Variants in SCAPER observed in about 807,000 individuals in gnomAD.
The protein encoded by SCAPER is S phase cyclin A-associated protein in the endoplasmic reticulum.
Under a neutral mutation model 182.2 loss-of-function variants are expected in SCAPER, and 98 were observed. That is an observed-to-expected ratio of 0.54 (90% confidence interval 0.46 to 0.64). SCAPER has a LOEUF of 0.64. SCAPER is among the 30% of genes least tolerant of loss of function. The pLI is 0.00. For synonymous variants in SCAPER, 605 were observed against 564.6 expected, an observed-to-expected ratio of 1.07 and a Z score of -1.01; for missense variants, 1,432 against 1,690.0, an observed-to-expected ratio of 0.85 and a Z score of 2.68.
At chr15:76,441,164 A>G (rs1359456091) in intron 25 of SCAPER, among the ~76,000 whole-genome samples, 4 of 151,566 alleles carry the variant, frequency 2.6e-5, no homozygotes. Context: ...CTCGTGATCC[A>G]CCCGCCTTGG....
chr15:76,563,263 T>C (rs1428296911), intron 23 of SCAPER, among the ~76,000 whole-genome samples: 2 of 152,204 alleles, frequency 1.3e-5, no homozygotes, highest in Admixed American at 1.3e-4. Flanking sequence ...ATCTGTGTAC[T>C]GTATTACATA....
chr15:76,441,789 T>C (rs1042491878), intron 25 of SCAPER, among the ~76,000 whole-genome samples: 3 of 152,208 alleles, frequency 2.0e-5, no homozygotes, highest in South Asian at 4.1e-4. Flanking sequence ...TCCAGTGCAA[T>C]AGTTACCTCC....
At position 76,824,062 on chromosome 15, in the gene SCAPER, C is replaced by T. The variant is rs572792974; in HGVS notation, c.393+17672G>A. ...ATCAAAAATGATCAGAGTGGTACCA[C>T]GCAGCTGTAATCCGAGTCATGTTTT... On this transcript the variant is annotated intron_variant, in intron 5 of 31. Transcript: ENST00000563290. Among the ~76,000 whole-genome samples, 13 of 152,258 alleles carry T rather than the reference C, an allele frequency of 8.5e-5. No individual in the cohort carries two copies. The East Asian group carries it at 1.2e-3, about 14-fold the overall frequency.
chr15:76,768,057 T>C (rs2063215002), intron 10 of SCAPER, among the ~76,000 whole-genome samples: 3 of 152,080 alleles, frequency 2.0e-5, no homozygotes, highest in Admixed American at 2.0e-4. Flanking sequence ...CTTCAAAATA[T>C]ATAAGGCAAA....
At chr15:76,505,735 T>C (rs1481391141) in intron 23 of SCAPER, among the ~76,000 whole-genome samples, 1 of 152,196 alleles carries the variant, frequency 6.6e-6, no homozygotes, top group Non-Finnish European at 1.5e-5. Context: ...GCAATTCCAC[T>C]GGTAGGTATA....
chr15:76,512,863 CAGAAAAA>C (rs2042151207), intron 23 of SCAPER, among the ~76,000 whole-genome samples: 1 of 55,624 alleles, frequency 1.8e-5, no homozygotes, highest in African/African-American at 4.0e-5. Context: ...GCAGCTTTTC[CAGAAAAA>C]AAAAAAAAAA....
At chr15:76,703,895 G>C (rs1452904453) in intron 18 of SCAPER, among the ~76,000 whole-genome samples, 1 of 151,950 alleles carries the variant, frequency 6.6e-6, no homozygotes, top group African/African-American at 2.4e-5. Context: ...TAGATTTCTA[G>C]GACTATACAA....
At chr15:76,690,589 G>A (rs1187536704) in intron 20 of SCAPER, among the ~76,000 whole-genome samples, 1 of 152,114 alleles carries the variant, frequency 6.6e-6, no homozygotes, top group East Asian at 1.9e-4. Flanking sequence ...ATAAATAACA[G>A]GGGAAACTGT....
intron 23 of SCAPER, among the ~76,000 whole-genome samples, chr15:76,573,733 A>C (rs1199834447): frequency 6.6e-6 from 1 of 152,168 alleles, no homozygotes; most frequent in African/African-American, 2.4e-5. Context: ...TGAGATATTT[A>C]ATGATTCTAA....
At chr15:76,856,018 C>T (rs1227756842) in intron 4 of SCAPER, 1 of 174,672 alleles carries the variant, frequency 5.7e-6, no homozygotes, top group East Asian at 1.4e-4. Flanking sequence ...ATGGAATCAA[C>T]CTAAATGCCC....
intron 8 of SCAPER, among the ~76,000 whole-genome samples, chr15:76,789,287 G>C (rs1010626855): frequency 2.6e-5 from 4 of 151,858 alleles, no homozygotes; most frequent in Non-Finnish European, 4.4e-5. Flanking sequence ...CACATACCAA[G>C]AGGAAAAAAA....
chr15:76,624,827 C>A (rs1479883535), intron 21 of SCAPER, among the ~76,000 whole-genome samples: 1 of 152,176 alleles, frequency 6.6e-6, no homozygotes, highest in East Asian at 1.9e-4. Context: ...AGGCAGCTTG[C>A]TCTGGTGACA....
intron 21 of SCAPER, among the ~76,000 whole-genome samples, chr15:76,664,925 C>T (rs1260971675): frequency 6.6e-6 from 1 of 152,148 alleles, no homozygotes; most frequent in East Asian, 1.9e-4. Context: ...TATTATTGTA[C>T]GTTCTATATT....
chr15:76,367,089 A>G (rs2041863372), intron 29 of SCAPER, among the ~76,000 whole-genome samples: 2 of 152,216 alleles, frequency 1.3e-5, no homozygotes, highest in Admixed American at 6.5e-5. Flanking sequence ...TCTTATAATT[A>G]TCTATTCTTC....
At chr15:76,384,000 G>C (rs2043137223) in intron 27 of SCAPER, among the ~76,000 whole-genome samples, 1 of 152,128 alleles carries the variant, frequency 6.6e-6, no homozygotes, top group Non-Finnish European at 1.5e-5. Flanking sequence ...ACTTCTGTTA[G>C]CTAATGTCAG....
At chr15:76,866,760 A>G (rs569272948) in intron 2 of SCAPER, among the ~76,000 whole-genome samples, 3 of 152,314 alleles carry the variant, frequency 2.0e-5, no homozygotes, top group South Asian at 2.1e-4. Context: ...AAGCATTTTA[A>G]TATCAGTATC....
intron 17 of SCAPER, among the ~76,000 whole-genome samples, chr15:76,719,455 A>G (rs1174097751): frequency 6.6e-6 from 1 of 152,194 alleles, no homozygotes; most frequent in East Asian, 1.9e-4. Flanking sequence ...ATGTAAGATG[A>G]ACAAGTCTAG....
chr15:76,877,736 C>G (rs912782658), intron 2 of SCAPER, among the ~76,000 whole-genome samples: 11 of 152,136 alleles, frequency 7.2e-5, no homozygotes, highest in African/African-American at 2.6e-4. Flanking sequence ...ATGGCAAAGT[C>G]AAGAAAGAGA....
chr15:76,454,846 G>T (rs2048611876), intron 25 of SCAPER, among the ~76,000 whole-genome samples: 1 of 151,642 alleles, frequency 6.6e-6, no homozygotes, highest in Non-Finnish European at 1.5e-5. Context: ...TTTAGGCCTG[G>T]TGCTTTTTTT....
Sources: allele counts gnomAD v4.1 joint callset (sites outside exome capture counted in the v4.1 genomes callset), GRCh38; gene constraint gnomAD v4.1.1; transcripts MANE v1.5; gene names NCBI Gene and HGNC (gene_info 2026-07-23, HGNC 2026-07-21).